Variants in ZNF75D observed in about 807,000 individuals in gnomAD.
ZNF75D encodes zinc finger protein 75.
ZNF75D carries 33 observed loss-of-function variants against 33.3 expected under a neutral mutation model. That is an observed-to-expected ratio of 0.99 (90% confidence interval 0.75 to 1.32). ZNF75D has a LOEUF of 1.32. Ranked by LOEUF, ZNF75D falls within the 40% of genes most tolerant of loss-of-function variation. ZNF75D has a pLI of 0.00. For synonymous variants in ZNF75D, 113 were observed against 130.6 expected (o/e 0.87, Z 0.92); for missense variants, 338 against 367.5 (o/e 0.92, Z 0.66).
chrX:135,265,479 G>A lies in ZNF75D; in HGVS notation n.828-9702C>T, dbSNP rs781930238. Among the ~76,000 whole-genome samples the A allele has an allele frequency of 1.2e-4, 13 of 111,395 alleles. No individual in the cohort carries two copies. In the East Asian group the frequency reaches 3.4e-3, roughly 29 times the overall value. ...CAGCAAGAGAAAAGAAACAAATAAC[G>A]TACAATGGAGTGCCAATACATCTGG... On this transcript the variant is annotated intron_variant and non_coding_transcript_variant, in intron 1 of 3. Coordinates refer to the ZNF75D transcript ENST00000494295.
At chrX:135,281,589 C>T (rs1181474435), downstream of ZNF75D, among the ~76,000 whole-genome samples, 1 of 111,737 alleles carries the variant, frequency 8.9e-6, no homozygotes, top group Non-Finnish European at 1.9e-5. Flanking sequence ...GAATTTTCAG[C>T]CTTTTTGTGC....
rs782786669 is a variant in ZNF75D, at chrX:135,285,933, A to T, written c.*1204T>A. The T allele has an allele frequency of 7.1e-5, 8 of 112,650 alleles. No homozygotes were observed. The highest frequency in any genetic ancestry group is 1.5e-4 in the Non-Finnish European group (8 of 53,345). The allele number at this position is 112,650 out of a possible 1,213,427, so 9.3% of individuals were successfully genotyped here. A position where few individuals can be genotyped will look rare whatever the true frequency, so the allele number is the denominator to read the frequency against. On this transcript the variant is annotated 3_prime_UTR_variant, in exon 7 of 7. Coordinates refer to ENST00000370766, the MANE Select transcript of ZNF75D (RefSeq NM_007131.5). ...CATTATAAACCAGGATCTGACATAG[A>T]TATAAATCCATGCCTTCCAACTTCC...
chrX:135,291,283 G>A, intron 5 of ZNF75D, 148 bp from the exon 6 acceptor site: 3 of 826,786 alleles, frequency 3.6e-6, no homozygotes, highest in Admixed American at 2.8e-5. Flanking sequence ...AAAGGAAGGA[G>A]CAAAGAGGAT....
chrX:135,256,444 C>G (rs2148457703), intron 1 of ZNF75D, among the ~76,000 whole-genome samples: 1 of 111,745 alleles, frequency 8.9e-6, no homozygotes, highest in Admixed American at 9.4e-5. Context: ...TGCATTTGGA[C>G]CAGCCCTCGC....
In ZNF75D at chrX:135,343,410, G is replaced by A; in HGVS notation, c.-2033C>T. The A allele has an allele frequency of 7.0e-6, 1 of 142,574 alleles. No individual in the cohort carries two copies. 11.7% of individuals were successfully genotyped at this position (142,574 alleles called of 1,213,427 possible). On this transcript the variant is annotated 5_prime_UTR_variant, in exon 1 of 7. Coordinates refer to ENST00000370766, the MANE Select transcript of ZNF75D (RefSeq NM_007131.5). The stretch of plus-strand genomic sequence containing the variant: ...ATAGTCAGGAACTCCTCCAACACCA[G>A]CAACTCCAGAATCTGCTCCATGGAG...
At position 135,287,404 on chromosome X, in the gene ZNF75D, T is replaced by A; in HGVS notation, c.1266A>T (p.Arg422Ser). The A allele has an allele frequency of 1.7e-6, 2 of 1,211,718 alleles. No individual in the cohort carries two copies. The highest frequency in any genetic ancestry group is 2.2e-6 in the Non-Finnish European group (2 of 895,397). Residue 422 changes from arginine (R) to serine (S), a missense_variant, in exon 7 of 7, where the codon AGA becomes AGT. This residue lies in a region of ZNF75D where 79 missense variants were observed against 80.1 expected (regional missense o/e 0.99). Coordinates refer to ENST00000370766, the MANE Select transcript of ZNF75D (RefSeq NM_007131.5). ...FMTHQGIKPYRCSWCGKSFSH... is the reference protein window; with the variant it reads ...FMTHQGIKPYSCSWCGKSFSH... ...TAAAGCTTTTCCCACACCATGAGCA[T>A]CTATATGGTTTTATTCCTTGATGGG...
chrX:135,292,164 T>C, intron 4 of ZNF75D, 117 bp downstream of exon 4: 4 of 728,034 alleles, frequency 5.5e-6, no homozygotes, highest in Non-Finnish European at 6.2e-6. Context: ...TACTCCCACC[T>C]GGGAGACATC....
At chrX:135,257,063 C>G (rs1556414343) in intron 1 of ZNF75D, among the ~76,000 whole-genome samples, 1 of 111,567 alleles carries the variant, frequency 9.0e-6, no homozygotes, top group African/African-American at 3.3e-5. Context: ...GCCTTGGGCT[C>G]TGAGGCGTGC....
intron 1 of ZNF75D, among the ~76,000 whole-genome samples, chrX:135,258,318 T>A (rs186922470): frequency 5.3e-4 from 59 of 110,475 alleles, no homozygotes; most frequent in Admixed American, 7.8e-4. Flanking sequence ...CCCAGTAATG[T>A]GATTACTGGG....
chrX:135,342,010 C>T lies in ZNF75D; in HGVS notation c.-633G>A, dbSNP rs1271358725. ...CTTTCAGCTGGTAAGACCAGGAATA[C>T]ACCTTCGCCATCCTACCTCAGGCGT... On this transcript the variant is annotated 5_prime_UTR_variant, in exon 1 of 7. Transcript: ENST00000370766. The T allele has an allele frequency of 2.7e-5, 3 of 112,433 alleles. No homozygotes were observed. The highest frequency in any genetic ancestry group is 5.6e-5 in the Non-Finnish European group (3 of 53,301). 9.3% of individuals were successfully genotyped at this position (112,433 alleles called of 1,213,427 possible). A position where few individuals can be genotyped will look rare whatever the true frequency, so the allele number is the denominator to read the frequency against.
At chrX:135,325,892 C>A (rs2084564933) in intron 1 of ZNF75D, among the ~76,000 whole-genome samples, 1 of 112,897 alleles carries the variant, frequency 8.9e-6, no homozygotes, top group African/African-American at 3.2e-5. Flanking sequence ...GGTGCAGGAT[C>A]CACTGGGTGA....
intron 1 of ZNF75D, among the ~76,000 whole-genome samples, chrX:135,331,030 A>T (rs2084645223): frequency 8.9e-6 from 1 of 111,908 alleles, no homozygotes; most frequent in South Asian, 3.7e-4. Context: ...TCTAAAACCT[A>T]ATTGCTTACC....
chrX:135,316,137 G>A (rs2084418085), intron 1 of ZNF75D, among the ~76,000 whole-genome samples: 1 of 111,695 alleles, frequency 9.0e-6, no homozygotes, highest in African/African-American at 3.3e-5. Flanking sequence ...TTTCATGGTG[G>A]TAAATGTTGT....
At chrX:135,329,582 CA>C (rs1181576373) in intron 1 of ZNF75D, among the ~76,000 whole-genome samples, 1 of 112,404 alleles carries the variant, frequency 8.9e-6, no homozygotes, top group Non-Finnish European at 1.9e-5. Flanking sequence ...TCATCTTTTT[CA>C]ATGGCTGCTT....
chrX:135,258,628 G>A (rs782027608), intron 1 of ZNF75D, among the ~76,000 whole-genome samples: 5 of 111,214 alleles, frequency 4.5e-5, no homozygotes, highest in Middle Eastern at 9.1e-3. Context: ...CTTTGCCCAC[G>A]TTTTGATGGG....
chrX:135,281,863 C>T (rs1401865787), downstream of ZNF75D, among the ~76,000 whole-genome samples: 1 of 112,380 alleles, frequency 8.9e-6, no homozygotes, highest in Non-Finnish European at 1.9e-5. Context: ...CCTCTAGAAG[C>T]TTTGTCCCAG....
chrX:135,340,567 C>A (rs1336373477), intron 1 of ZNF75D, among the ~76,000 whole-genome samples: 1 of 111,840 alleles, frequency 8.9e-6, no homozygotes, highest in Admixed American at 9.5e-5. Flanking sequence ...AGAACAAGTA[C>A]CTTGATATTG....
At position 135,287,264 on chromosome X, in the gene ZNF75D, C is replaced by T; in HGVS notation, c.1406G>A (p.Arg469Lys). ...ATAAGGCTGCTCACCTGTGTGAGTT[C>T]TCTGGTGTTTAATAAGGTGGGAGTT... ...IQNSHLIKHQ[R>K]THTGEQPYTC... The change falls in exon 7 of 7, where the codon AGA (arginine) becomes AAA (lysine). Residue 469 changes from arginine (R) to lysine (K), a missense_variant. Physicochemically the swap from Arg to Lys is conservative, Grantham distance 26 (BLOSUM62 2). Around this residue, in one of 3 missense-constraint regions of ZNF75D, gnomAD observed 79 missense variants for 80.1 expected, o/e 0.99. Coordinates refer to ENST00000370766, the MANE Select transcript of ZNF75D (RefSeq NM_007131.5). 8.3e-7 allele frequency: 1 copy of T among 1,211,739 alleles called. No individual in the cohort carries two copies. The highest frequency in any genetic ancestry group is 1.1e-6 in the Non-Finnish European group (1 of 895,350).
chrX:135,258,722 A>C (rs782044072), intron 1 of ZNF75D, among the ~76,000 whole-genome samples: 36 of 111,684 alleles, frequency 3.2e-4, no homozygotes, highest in Non-Finnish European at 1.9e-5. Flanking sequence ...TAGATTGCAA[A>C]AATTTTCTCC....
Sources: allele counts gnomAD v4.1 joint callset (sites outside exome capture counted in the v4.1 genomes callset), GRCh38; gene constraint gnomAD v4.1.1; regional missense constraint gnomAD v4.1.1; transcripts MANE v1.5; gene names NCBI Gene and HGNC (gene_info 2026-07-23, HGNC 2026-07-21).